PRDM5: variants seen among roughly 807,000 people sequenced by gnomAD.
PRDM5 encodes PR/SET domain 5.
Under a neutral mutation model 81.2 loss-of-function variants are expected in PRDM5, and 56 were observed. The observed-to-expected ratio is 0.69, with a 90% CI of 0.56 to 0.86. PRDM5 has a LOEUF of 0.86. PRDM5 is among the 40% of genes least tolerant of loss of function. The pLI, the probability that PRDM5 is intolerant of heterozygous loss-of-function variation, is 0.00. For synonymous variants in PRDM5, 267 were observed against 256.4 expected (o/e 1.04, Z -0.39); for missense variants, 697 against 770.1 (o/e 0.91, Z 1.12).
chr4:120,884,870 A>C (rs985866939), intron 2 of PRDM5, among the ~76,000 whole-genome samples: 4 of 152,072 alleles, frequency 2.6e-5, no homozygotes, highest in African/African-American at 9.7e-5. Context: ...CCAGTTCAAA[A>C]AAAGAAACAC....
chr4:120,716,192 T>C (rs191164818), intron 14 of PRDM5, among the ~76,000 whole-genome samples: 2 of 152,348 alleles, frequency 1.3e-5, no homozygotes, highest in Non-Finnish European at 2.9e-5. Flanking sequence ...TGCTGATTAA[T>C]TTAATATACT....
chr4:120,737,281 G>A (rs115640728), intron 14 of PRDM5, among the ~76,000 whole-genome samples: 1,726 of 152,306 alleles, frequency 0.011, 35 homozygotes, highest in African/African-American at 0.039. Context: ...ATCAAGTTCA[G>A]AGTAATAGGT....
intron 2 of PRDM5, among the ~76,000 whole-genome samples, chr4:120,885,329 T>C (rs1217464252): frequency 1.3e-5 from 2 of 151,908 alleles, no homozygotes; most frequent in Non-Finnish European, 2.9e-5. Context: ...TCCACCAAGG[T>C]AGAAAGGTGA....
rs543993550 is a variant in PRDM5, at chr4:120,916,069, T to C, written c.93+6447A>G. ...ATGAAGTTCTTCAGCATTCAGAATA[T>C]GATACCAGACAGAAACTTAGTTCAA... On this transcript the variant is annotated intron_variant, in intron 1 of 15. Coordinates refer to ENST00000264808, the MANE Select transcript of PRDM5 (RefSeq NM_018699.4). Among the ~76,000 whole-genome samples the C allele has an allele frequency of 9.9e-5, 15 of 152,244 alleles. No homozygotes were observed. The South Asian group carries it at 3.1e-3, about 32-fold the overall frequency.
intron 13 of PRDM5, among the ~76,000 whole-genome samples, chr4:120,757,250 T>C (rs923770794): frequency 2.6e-5 from 4 of 152,246 alleles, no homozygotes; most frequent in Admixed American, 2.0e-4. Flanking sequence ...TTTTAAGACA[T>C]AGCTTTTTTC....
chr4:120,882,929 G>T (rs1292676966), intron 2 of PRDM5, among the ~76,000 whole-genome samples: 1 of 152,074 alleles, frequency 6.6e-6, no homozygotes, highest in African/African-American at 2.4e-5. Flanking sequence ...AAGCTGTTTG[G>T]TAAAAACATA....
chr4:120,715,946 A>G (rs561456574), intron 14 of PRDM5, among the ~76,000 whole-genome samples: 6 of 152,336 alleles, frequency 3.9e-5, no homozygotes, highest in African/African-American at 9.6e-5. Context: ...ATTTCCTCTT[A>G]GGAGACACTA....
chr4:120,827,959 G>A (rs557452589), intron 3 of PRDM5, among the ~76,000 whole-genome samples: 2 of 152,106 alleles, frequency 1.3e-5, no homozygotes, highest in African/African-American at 2.4e-5. Context: ...TGCTAATTAC[G>A]TAGCCAAGAA....
At position 120,868,389 on chromosome 4, in the gene PRDM5, A is replaced by G. The variant is rs190903729; in HGVS notation, c.178-14849T>C. Reference sequence around the variant, plus strand: ...AATGCTAGCTAGGTAGGATAAAAACAAAAAGCTACAAACAACTTTACATAA... The same window carrying G: ...AATGCTAGCTAGGTAGGATAAAAACGAAAAGCTACAAACAACTTTACATAA... On this transcript the variant is annotated intron_variant, in intron 2 of 15. Coordinates refer to ENST00000264808, the MANE Select transcript of PRDM5 (RefSeq NM_018699.4). Among the ~76,000 whole-genome samples, 10 of 152,328 alleles carry G rather than the reference A, an allele frequency of 6.6e-5. No individual in the cohort carries two copies. The East Asian group carries it at 1.9e-3, about 29-fold the overall frequency.
intron 14 of PRDM5, among the ~76,000 whole-genome samples, chr4:120,745,066 CA>C (rs1265369501): frequency 1.4e-5 from 2 of 144,596 alleles, no homozygotes; most frequent in South Asian, 2.3e-4. Flanking sequence ...AGCAGCACAT[CA>C]AAAAGCTTAT....
At chr4:120,794,257 T>C (rs1191918200) in intron 10 of PRDM5, among the ~76,000 whole-genome samples, 4 of 151,962 alleles carry the variant, frequency 2.6e-5, no homozygotes, top group African/African-American at 7.3e-5. Flanking sequence ...AAGGAAAGAG[T>C]GGCTGTGCTC....
chr4:120,740,531 C>T (rs897547910), intron 14 of PRDM5, among the ~76,000 whole-genome samples: 5 of 152,136 alleles, frequency 3.3e-5, no homozygotes, highest in African/African-American at 4.8e-5. Flanking sequence ...CCCTGGTAGG[C>T]GTCCTAGATT....
chr4:120,854,494 A>G (rs1346312534), intron 2 of PRDM5, among the ~76,000 whole-genome samples: 2 of 152,150 alleles, frequency 1.3e-5, no homozygotes, highest in Non-Finnish European at 2.9e-5. Context: ...TAGATTTCCA[A>G]AATTTTATTT....
intron 2 of PRDM5, among the ~76,000 whole-genome samples, chr4:120,878,006 T>C (rs780068389): frequency 1.3e-5 from 2 of 152,174 alleles, no homozygotes; most frequent in Non-Finnish European, 2.9e-5. Flanking sequence ...TGGAAGTCAG[T>C]GAAATCACTC....
intron 14 of PRDM5, among the ~76,000 whole-genome samples, chr4:120,718,021 C>T (rs843552): frequency 0.99 from 150,867 of 152,326 alleles, 74,729 homozygotes; most frequent in East Asian, 1. Context: ...GTGAGCATGG[C>T]GAGGACTGTC....
chr4:120,885,537 T>C (rs12510578), intron 2 of PRDM5: 6,642 of 152,298 alleles, frequency 0.044, 303 homozygotes, highest in Middle Eastern at 0.15. Flanking sequence ...TTCATGCCTG[T>C]AATGCCAGCA....
Position 120,799,641 on chromosome 4 carries a change from A to G in PRDM5, c.1030+20T>C. The G allele has an allele frequency of 6.2e-7, 1 of 1,607,930 alleles. No individual in the cohort carries two copies. Reference sequence around the variant, plus strand: ...TTTTTGTAATGATATCACTATAAACAAAAAAAGTATATAGTTTACCTGAGT... The same window carrying G: ...TTTTTGTAATGATATCACTATAAACGAAAAAAGTATATAGTTTACCTGAGT... On this transcript the variant is annotated intron_variant, in intron 9 of 15. Coordinates refer to ENST00000264808, the MANE Select transcript of PRDM5 (RefSeq NM_018699.4).
intron 4 of PRDM5, among the ~76,000 whole-genome samples, chr4:120,820,203 CT>C (rs1561376116): frequency 6.6e-6 from 1 of 152,138 alleles, no homozygotes; most frequent in Non-Finnish European, 1.5e-5. Flanking sequence ...GCTTAATGCC[CT>C]TGTAAAAGAA....
intron 1 of PRDM5, among the ~76,000 whole-genome samples, chr4:120,921,843 C>G (rs967569926): frequency 6.6e-6 from 1 of 150,954 alleles, no homozygotes; most frequent in African/African-American, 2.4e-5. Flanking sequence ...CTGGAGAGAT[C>G]GAACCGATGT....
Sources: gnomAD v4.1 joint callset for allele counts (sites outside exome capture counted in the v4.1 genomes callset) on GRCh38, gnomAD v4.1.1 for gene constraint, MANE v1.5 for transcripts, NCBI Gene and HGNC (gene_info 2026-07-23, HGNC 2026-07-21) for gene names.